Variants in HMCN2 observed in about 807,000 individuals in gnomAD.
HMCN2 encodes the protein hemicentin 2, also known as hemicentin-2.
In HMCN2, 325 loss-of-function variants were observed where a neutral mutation model predicts 377.5. The ratio of observed to expected loss-of-function variants is 0.86; its 90% CI spans 0.79 to 0.94. HMCN2 has a LOEUF of 0.94. HMCN2 is among the 40% of genes least tolerant of loss of function. The pLI is 0.00. For missense variants in HMCN2, 4,543 were observed against 4,725.3 expected, an observed-to-expected ratio of 0.96 and a Z score of 1.13; for synonymous variants, 2,007 against 2,046.8, an observed-to-expected ratio of 0.98 and a Z score of 0.53.
chr9:130,344,234 A>T (rs1839217734), intron 25 of HMCN2, among the ~76,000 whole-genome samples: 1 of 152,020 alleles, frequency 6.6e-6, no homozygotes, highest in Non-Finnish European at 1.5e-5. Context: ...GCTGAGGAAG[A>T]TGAGAGGGGG....
At chr9:130,271,860 T>C (rs10988669) in intron 1 of HMCN2, among the ~76,000 whole-genome samples, 40,123 of 148,812 alleles carry the variant, frequency 0.27, 7,952 homozygotes, top group South Asian at 0.32. Context: ...ATACATAGTT[T>C]TATATGTAAT....
Position 130,361,198 on chromosome 9 carries a change from C to A in HMCN2, c.5950+594C>A, listed in dbSNP as rs896397890. Among the ~76,000 whole-genome samples, 1 of 152,216 alleles carries A rather than the reference C, an allele frequency of 6.6e-6. No individual in the cohort carries two copies. ...TAGGAGCTTTCAGTGTAGTGGAGGA[C>A]ACAGCAATCAGATCATTCCCCAGAG... On this transcript the variant is annotated intron_variant, in intron 38 of 97. Transcript: ENST00000683500. The surrounding 1 kb of genome is among the most constrained non-coding windows in gnomAD (Gnocchi z 4.8).
chr9:130,269,334 T>G (rs1253348438), intron 1 of HMCN2, among the ~76,000 whole-genome samples: 1 of 146,264 alleles, frequency 6.8e-6, no homozygotes, highest in African/African-American at 2.5e-5. Flanking sequence ...TTAGGTTGTT[T>G]TCAGTGTTTC....
rs12348733 is a variant in HMCN2, at chr9:130,308,558, A to G, written c.2200+992A>G. Among the ~76,000 whole-genome samples the G allele has an allele frequency of 0.51, 78,042 of 151,900 alleles. 21,724 individuals are homozygous for G. The highest frequency in any genetic ancestry group is 0.75 in the African/African-American group (31,267 of 41,428). On this transcript the variant is annotated intron_variant, in intron 14 of 97. Coordinates refer to ENST00000683500, the MANE Select transcript of HMCN2 (RefSeq NM_001291815.2). This position sits in a 1 kb window ranked among gnomAD's most constrained non-coding sequence, Gnocchi z 4.1. Reference sequence around the variant, plus strand: ...CCTTGCAGCAGCTGCCTGGGACCTCATCAGAGCCTCACCCTGACTCTGAGA... The same window carrying G: ...CCTTGCAGCAGCTGCCTGGGACCTCGTCAGAGCCTCACCCTGACTCTGAGA...
rs1428131863 is a variant in HMCN2, at chr9:130,403,833, A to G, written c.12106A>G (p.Ser4036Gly). Residue 4036 changes from serine to glycine, a missense_variant, in exon 80 of 98, where the codon AGT (serine) becomes GGT (glycine). Physicochemically the swap from Ser to Gly is moderately conservative, Grantham distance 56 (BLOSUM62 0). Coordinates refer to ENST00000683500, the MANE Select transcript of HMCN2 (RefSeq NM_001291815.2). ...AGNYLCIAKN[S>G]AGSAMGKTRL... ...AAACTATCTCTGCATCGCTAAGAAC[A>G]GTGCGGGCAGTGCCATGGGGAAGAC... 1 of 1,289,692 alleles carries G rather than the reference A, an allele frequency of 7.8e-7. No individual in the cohort carries two copies. Among genetic ancestry groups the G allele is most frequent in the East Asian group, 5.6e-5 (1 of 18,000 alleles). 79.9% of individuals were successfully genotyped at this position (1,289,692 alleles called of 1,614,324 possible). A position where few individuals can be genotyped will look rare whatever the true frequency, so the allele number is the denominator to read the frequency against.
In HMCN2 at chr9:130,364,803, C is replaced by A; in HGVS notation, c.6322C>A (p.Pro2108Thr). ...GGAGTGCCAGAGCCACGCCATGCCCCCTCCTGTGCTGAGCTGGTGGAAGGA... is the reference window on the plus strand; with the variant it reads ...GGAGTGCCAGAGCCACGCCATGCCCACTCCTGTGCTGAGCTGGTGGAAGGA... Reference protein sequence around the residue: ...ALECQSHAMPPPVLSWWKDGR... With the variant: ...ALECQSHAMPTPVLSWWKDGR... The change falls in exon 41 of 98, where the codon CCT becomes ACT. Residue 2108 changes from proline to threonine, a missense_variant. By Grantham distance (38) the Pro-to-Thr change is conservative. Around this residue, in one of 5 missense-constraint regions of HMCN2, gnomAD observed 1,032 missense variants for 1,285.1 expected, o/e 0.80. Coordinates refer to ENST00000683500, the MANE Select transcript of HMCN2 (RefSeq NM_001291815.2). 1.0e-6 allele frequency: 1 copy of A among 986,016 alleles called. No individual in the cohort carries two copies. The highest frequency in any genetic ancestry group is 1.2e-6 in the Non-Finnish European group (1 of 830,012). The allele number at this position is 986,016 out of a possible 1,614,324, so 61.1% of individuals were successfully genotyped here.
Position 130,406,001 on chromosome 9 carries a change from G to GCCGGGCCCGCCGCCGCGTGCA in HMCN2, c.12389_12409dup (p.Arg4130_His4136dup), listed in dbSNP as rs767026642. The GCCGGGCCCGCCGCCGCGTGCA allele has an allele frequency of 7.8e-7, 1 of 1,289,634 alleles. No homozygotes were observed. The highest frequency in any genetic ancestry group is 1.2e-5 in the South Asian group (1 of 80,994). 79.9% of individuals were successfully genotyped at this position (1,289,634 alleles called of 1,614,324 possible). On this transcript the variant is annotated inframe_insertion, in exon 82 of 98. Coordinates refer to ENST00000683500, the MANE Select transcript of HMCN2 (RefSeq NM_001291815.2). ...ACCTGTACCGCTGAGAACGCCGTGG[G>GCCGGGCCCGCCGCCGCGTGCA]CCGGGCCCGCCGCCGCGTGCACCTC...
chr9:130,265,819 G>A lies in HMCN2; in HGVS notation c.-60G>A, dbSNP rs1159089965. The A allele has an allele frequency of 4.2e-5, 12 of 286,214 alleles. No individual in the cohort carries two copies. Among genetic ancestry groups the A allele is most frequent in the Non-Finnish European group, 8.1e-5 (12 of 147,636 alleles). The allele number at this position is 286,214 out of a possible 1,614,324, so 17.7% of individuals were successfully genotyped here. A position where few individuals can be genotyped will look rare whatever the true frequency, so the allele number is the denominator to read the frequency against. ...CTGCAGCCGCCGTGTGCACCGGGGCGGCCGGCTAGCTCCGACCTGCGCCTC... is the reference window on the plus strand; with the variant it reads ...CTGCAGCCGCCGTGTGCACCGGGGCAGCCGGCTAGCTCCGACCTGCGCCTC... On this transcript the variant is annotated 5_prime_UTR_variant, in exon 1 of 98. Transcript: ENST00000683500.
rs76140752 is a variant in HMCN2, at chr9:130,295,840, T to G, written c.891+68T>G. The stretch of plus-strand genomic sequence containing the variant: ...TGGGCTGGAACCATCTTCCTCCTAC[T>G]TGCCCTGGGGAGCCTGTGGCCTCGG... On this transcript the variant is annotated intron_variant, in intron 6 of 97. Transcript: ENST00000683500. 1,182 of 451,924 alleles carry G rather than the reference T, an allele frequency of 2.6e-3. 12 individuals carry two copies. The highest frequency in any genetic ancestry group is 0.021 in the African/African-American group (1,066 of 49,872). 28.0% of individuals were successfully genotyped at this position (451,924 alleles called of 1,614,324 possible). A position where few individuals can be genotyped will look rare whatever the true frequency, so the allele number is the denominator to read the frequency against.
Position 130,394,488 on chromosome 9 carries a change from C to A in HMCN2, c.10605C>A (p.Asn3535Lys). ...ATGCCCAGGGCACCCCCCAGCCCAA[C>A]ATCACCTGGCATAAGGACGGGCAGG... Reference protein sequence around the residue: ...LCDAQGTPQPNITWHKDGQAL... With the variant: ...LCDAQGTPQPKITWHKDGQAL... The change falls in exon 69 of 98, where the codon AAC becomes AAA. Residue 3535 changes from asparagine to lysine, a missense_variant. Transcript: ENST00000683500. The surrounding 1 kb of genome is among the most constrained non-coding windows in gnomAD (Gnocchi z 5.1). 7.8e-7 allele frequency: 1 copy of A among 1,289,872 alleles called. No homozygotes were observed. 79.9% of individuals were successfully genotyped at this position (1,289,872 alleles called of 1,614,324 possible).
chr9:130,370,465 G>A (rs1261954065), intron 45 of HMCN2, among the ~76,000 whole-genome samples: 1 of 152,164 alleles, frequency 6.6e-6, no homozygotes, highest in African/African-American at 2.4e-5. Context: ...TAGGGAGGGC[G>A]CCCCTCACTG....
intron 53 of HMCN2, among the ~76,000 whole-genome samples, chr9:130,378,893 C>T (rs2131625647): frequency 6.6e-6 from 1 of 152,272 alleles, no homozygotes; most frequent in East Asian, 1.9e-4. Flanking sequence ...GAGGGCCCCC[C>T]TCCATTTCTA....
intron 82 of HMCN2, chr9:130,407,285 C>T: frequency 5.5e-6 from 1 of 182,864 alleles, no homozygotes. Flanking sequence ...CTCTAGAAAT[C>T]ATGGCAGTGT....
rs572411529 is a variant in HMCN2 at position 130,411,113 on chromosome 9, G to C, written c.12961+461G>C. ...AACCCACCCAGTTAACCAGCAACCA[G>C]ATCAAAGAAATAGGACAGTGCCGGC... On this transcript the variant is annotated intron_variant, in intron 85 of 97. Coordinates refer to ENST00000683500, the MANE Select transcript of HMCN2 (RefSeq NM_001291815.2). Among the ~76,000 whole-genome samples, 3 of 151,962 alleles carry C rather than the reference G, an allele frequency of 2.0e-5. No homozygotes were observed. In the East Asian group the frequency reaches 5.8e-4, roughly 29 times the overall value.
rs1339724428 is a variant in HMCN2 at position 130,303,010 on chromosome 9, C to T, written c.1421+9C>T. Reference sequence around the variant, plus strand: ...GAAGAGAGGCACTTTCAGTGAGTGGCCCACGGCAGCTGATTGTCCCCAGCC... The same window carrying T: ...GAAGAGAGGCACTTTCAGTGAGTGGTCCACGGCAGCTGATTGTCCCCAGCC... On this transcript the variant is annotated intron_variant, in intron 9 of 97. Transcript: ENST00000683500. This position sits in a 1 kb window ranked among gnomAD's most constrained non-coding sequence, Gnocchi z 5.2. 4.3e-6 allele frequency: 2 copies of T among 464,424 alleles called. No individual in the cohort carries two copies. Among genetic ancestry groups the T allele is most frequent in the Non-Finnish European group, 8.9e-6 (2 of 223,766 alleles). The allele number at this position is 464,424 out of a possible 1,614,324, so 28.8% of individuals were successfully genotyped here. A position where few individuals can be genotyped will look rare whatever the true frequency, so the allele number is the denominator to read the frequency against.
chr9:130,316,560 C>T (rs1837571458), intron 15 of HMCN2, among the ~76,000 whole-genome samples: 1 of 152,190 alleles, frequency 6.6e-6, no homozygotes, highest in Admixed American at 6.5e-5. Flanking sequence ...ACTTAGAGCC[C>T]CATCCCCACA....
intron 1 of HMCN2, among the ~76,000 whole-genome samples, chr9:130,280,853 C>T (rs1835072963): frequency 6.6e-6 from 1 of 152,070 alleles, no homozygotes; most frequent in Admixed American, 6.5e-5. Context: ...CGCCTGTAAT[C>T]CCAGCACTTT....
At position 130,422,716 on chromosome 9, in the gene HMCN2, A is replaced by G; in HGVS notation, c.13371A>G (p.Pro4457=). ...TCCACAGCAGCATCCGCCATGTCCCAGCAAACGTGGGTGAGTGGAAGGCAG... is the reference window on the plus strand; with the variant it reads ...TCCACAGCAGCATCCGCCATGTCCCGGCAAACGTGGGTGAGTGGAAGGCAG... ...SSIHSSIRHV[P]ANVGPLMRVL... The change falls in exon 87 of 98, where the codon CCA becomes CCG. Residue 4457 remains proline, a synonymous_variant. Transcript: ENST00000683500. This position sits in a 1 kb window ranked among gnomAD's most constrained non-coding sequence, Gnocchi z 4.2. 1.6e-6 allele frequency: 2 copies of G among 1,282,268 alleles called. No homozygotes were observed. The highest frequency in any genetic ancestry group is 9.9e-7 in the Non-Finnish European group (1 of 1,005,740). 79.4% of individuals were successfully genotyped at this position (1,282,268 alleles called of 1,614,324 possible).
At chr9:130,373,640 A>ATGG (rs1841185562) in intron 48 of HMCN2, among the ~76,000 whole-genome samples, 1 of 42,186 alleles carries the variant, frequency 2.4e-5, no homozygotes, top group Non-Finnish European at 5.4e-5. Context: ...TGGATGGATG[A>ATGG]ATGGATAGAT....
Sources: allele counts gnomAD v4.1 joint callset (sites outside exome capture counted in the v4.1 genomes callset), GRCh38; gene constraint gnomAD v4.1.1; regional missense constraint gnomAD v4.1.1; non-coding constraint Gnocchi (gnomAD v3.1); transcripts MANE v1.5; gene names NCBI Gene and HGNC (gene_info 2026-07-23, HGNC 2026-07-21).